Variants in SLC2A3 observed in about 807,000 individuals in gnomAD.
SLC2A3 encodes the protein solute carrier family 2 member 3.
A neutral mutation model predicts 46.4 loss-of-function variants in SLC2A3; 21 were observed. The observed-to-expected ratio is 0.45, with a 90% CI of 0.32 to 0.65. The LOEUF is 0.65. Ranked by LOEUF, SLC2A3 falls within the 30% of genes least tolerant of loss-of-function variation. The pLI is 0.04. For missense variants in SLC2A3, 499 were observed against 623.3 expected, an observed-to-expected ratio of 0.80 and a Z score of 2.12; for synonymous variants, 213 against 239.4, an observed-to-expected ratio of 0.89 and a Z score of 1.02.
chr12:7,923,003 A>G lies in SLC2A3; in HGVS notation c.1090T>C (p.Phe364Leu). Residue 364 changes from phenylalanine (F) to leucine (L), a missense_variant, in exon 9 of 10, where the codon TTT becomes CTT. Phe to Leu is a conservative substitution (Grantham distance 22). This residue lies in a region of SLC2A3 where 179 missense variants were observed against 205.1 expected (regional missense o/e 0.87). Coordinates refer to ENST00000075120, the MANE Select transcript of SLC2A3 (RefSeq NM_006931.3). The stretch of plus-strand genomic sequence containing the variant: ...ACCAAGATAGCCCCAATACAGACAA[A>G]GCTCATCCCATTATAGTTATCCTGT... ...LLKDNYNGMS[F>L]VCIGAILVFV... is the part of the protein sequence containing the mutation. 1 of 1,613,838 alleles carries G rather than the reference A, an allele frequency of 6.2e-7. No individual in the cohort carries two copies. Among genetic ancestry groups the G allele is most frequent in the Non-Finnish European group, 8.5e-7 (1 of 1,179,882 alleles).
intron 6 of SLC2A3, among the ~76,000 whole-genome samples, chr12:7,927,069 G>A (rs1025025200): frequency 6.6e-6 from 1 of 151,926 alleles, no homozygotes; most frequent in Non-Finnish European, 1.5e-5. Flanking sequence ...TTATGAATAT[G>A]GACCTCTACA....
intron 2 of SLC2A3, 54 bp downstream of exon 2, chr12:7,933,752 CTACT>C: frequency 2.6e-6 from 4 of 1,565,022 alleles, no homozygotes; most frequent in Non-Finnish European, 3.5e-6. Context: ...TCCTGAAACC[CTACT>C]TAAAGGAATA....
chr12:7,934,991 TTTTC>T (rs1487803425), intron 1 of SLC2A3, among the ~76,000 whole-genome samples: 3 of 152,152 alleles, frequency 2.0e-5, no homozygotes, highest in South Asian at 2.1e-4. Flanking sequence ...TTTTCCTACA[TTTTC>T]TTTCTTTCTG....
chr12:7,925,859 G>T lies in SLC2A3; in HGVS notation c.951C>A (p.Ile317=), dbSNP rs752814303. The T allele has an allele frequency of 4.3e-6, 7 of 1,612,388 alleles. No homozygotes were observed. The Admixed American group carries it at 6.7e-5, about 15-fold the overall frequency. ...ATIGAGVVNT[I]FTVVSLFLVE... ...TCCAACTTACAGAAACTACAGTGAA[G>T]ATAGTATTAACCACACCCGCGCCGA... is the stretch of plus-strand genomic sequence containing the variant. The change falls in exon 7 of 10, where the codon ATC becomes ATA. Residue 317 remains isoleucine, a synonymous_variant. Transcript: ENST00000075120.
At position 7,921,531 on chromosome 12, in the gene SLC2A3, A is replaced by G; in HGVS notation, c.1373T>C (p.Phe458Ser). 3 of 1,613,972 alleles carry G rather than the reference A, an allele frequency of 1.9e-6. No homozygotes were observed. Among genetic ancestry groups the G allele is most frequent in the Non-Finnish European group, 2.5e-6 (3 of 1,179,862 alleles). ...FKVPETRGRTFEDITRAFEGQ... is the reference protein window; with the variant it reads ...FKVPETRGRTSEDITRAFEGQ... ...TTCAAAGGCCCGTGTGATATCCTCAAAAGTCCTGCCACGGGTCTCAGGGAC... is the reference window on the plus strand; with the variant it reads ...TTCAAAGGCCCGTGTGATATCCTCAGAAGTCCTGCCACGGGTCTCAGGGAC... Residue 458 changes from phenylalanine to serine, a missense_variant, in exon 10 of 10, where the codon TTT becomes TCT. Physicochemically the swap from Phe to Ser is radical, Grantham distance 155. This residue lies in a region of SLC2A3 where 179 missense variants were observed against 205.1 expected (regional missense o/e 0.87). Coordinates refer to ENST00000075120, the MANE Select transcript of SLC2A3 (RefSeq NM_006931.3).
At chr12:7,925,065 G>A (rs1333276097) in intron 7 of SLC2A3, among the ~76,000 whole-genome samples, 7 of 152,294 alleles carry the variant, frequency 4.6e-5, no homozygotes, top group African/African-American at 1.7e-4. Flanking sequence ...AAGCTGACAG[G>A]AAGGTCAGCA....
rs746912767 is a variant in SLC2A3, at chr12:7,935,765, A to G, written c.15+255T>C. ...TCAACCATCTCGTCCTCAGTGGCAT[A>G]TGGTTACCTAAAATAAACCTGAGAA... On this transcript the variant is annotated intron_variant, in intron 1 of 9. Transcript: ENST00000075120. 7.9e-5 allele frequency among the ~76,000 whole-genome samples: 12 copies of G among 152,248 alleles called. No individual in the cohort carries two copies. The South Asian group carries it at 2.1e-3, about 26-fold the overall frequency.
At chr12:7,935,913 A>C (rs112845542) in intron 1 of SLC2A3, 107 bp downstream of exon 1, 19 of 948,484 alleles carry the variant, frequency 2.0e-5, no homozygotes, top group African/African-American at 1.1e-4. Context: ...GCCTTAAGAT[A>C]GCTTGGTGAC....
intron 9 of SLC2A3, among the ~76,000 whole-genome samples, chr12:7,922,523 G>A (rs1034472778): frequency 2.6e-5 from 4 of 151,988 alleles, no homozygotes; most frequent in Admixed American, 6.6e-5. Context: ...GTGCAGTAAC[G>A]CGATCTCAGC....
rs1946184953 is a variant in SLC2A3, at chr12:7,933,825, G to A, written c.93C>T (p.Ile31=). 6.2e-7 allele frequency: 1 copy of A among 1,613,676 alleles called. No individual in the cohort carries two copies. Among genetic ancestry groups the A allele is most frequent in the Admixed American group, 1.7e-5 (1 of 59,960 alleles). ...TGGCACTCACCTTCTCAGGAGCATT[G>A]ATGACCCCAGTGTTGTAGCCAAATT... ...SFQFGYNTGV[I]NAPEKIIKEF... The change falls in exon 2 of 10, where the codon ATC becomes ATT. Residue 31 remains isoleucine, a synonymous_variant. Coordinates refer to ENST00000075120, the MANE Select transcript of SLC2A3 (RefSeq NM_006931.3).
intron 6 of SLC2A3, among the ~76,000 whole-genome samples, chr12:7,928,822 T>C (rs1946122011): frequency 7.0e-6 from 1 of 142,934 alleles, no homozygotes; most frequent in Non-Finnish European, 1.6e-5. Flanking sequence ...ACTGTGTATT[T>C]CCTCCCAAGT....
chr12:7,933,536 C>T lies in SLC2A3; in HGVS notation c.108+274G>A, dbSNP rs1946181223. ...CGATTAGATGACCCCACTAATTTTC[C>T]CCACCAATATTGTCTCCATCTTCAG... On this transcript the variant is annotated intron_variant, in intron 2 of 9. Transcript: ENST00000075120. The T allele has an allele frequency of 4.4e-5, 21 of 475,476 alleles. 1 individual carries two copies. The highest frequency in any genetic ancestry group is 3.6e-4 in the South Asian group (13 of 35,876). 29.5% of individuals were successfully genotyped at this position (475,476 alleles called of 1,614,324 possible). A position where few individuals can be genotyped will look rare whatever the true frequency, so the allele number is the denominator to read the frequency against.
rs59914158 is a variant in SLC2A3 at position 7,923,768 on chromosome 12, A to ATTTTT, written c.1068+637_1068+641dup. On this transcript the variant is annotated intron_variant, in intron 8 of 9. Coordinates refer to ENST00000075120, the MANE Select transcript of SLC2A3 (RefSeq NM_006931.3). ...AACCACTGCGCCCAGCCAGGATTGG[A>ATTTTT]TTTTTTTTTTTTTTTTTGAGAGAGA... Among the ~76,000 whole-genome samples, 118 of 135,670 alleles carry ATTTTT rather than the reference A, an allele frequency of 8.7e-4. 1 individual carries two copies. The highest frequency in any genetic ancestry group is 3.0e-3 in the African/African-American group (111 of 36,416). The allele number at this position is 135,670 out of a possible 152,430, so 89.0% of individuals were successfully genotyped here. A position where few individuals can be genotyped will look rare whatever the true frequency, so the allele number is the denominator to read the frequency against.
rs969593554 is a variant in SLC2A3 at position 7,921,326 on chromosome 12, G to A, written c.*87C>T. The A allele has an allele frequency of 6.2e-4, 991 of 1,602,586 alleles. 6 individuals carry two copies. Among genetic ancestry groups the A allele is most frequent in the Non-Finnish European group, 4.2e-4 (490 of 1,173,242 alleles). ...GAATTAAGTAGCAGCATTCAGAAGC[G>A]TCCTGGGTTCATCCTGATGAGGTCT... On this transcript the variant is annotated 3_prime_UTR_variant, in exon 10 of 10. Coordinates refer to ENST00000075120, the MANE Select transcript of SLC2A3 (RefSeq NM_006931.3).
intron 6 of SLC2A3, 108 bp from the exon 7 acceptor site, chr12:7,926,056 G>C (rs1371010181): frequency 2.2e-6 from 2 of 894,326 alleles, no homozygotes; most frequent in Admixed American, 4.1e-5. Flanking sequence ...CCTTTTTCTA[G>C]GTTTTCGTTC....
chr12:7,930,198 C>A (rs1946137385), intron 5 of SLC2A3: 5 of 522,034 alleles, frequency 9.6e-6, no homozygotes, highest in East Asian at 8.0e-5. Context: ...TTGTTTCAGG[C>A]AGGTCTTGAA....
chr12:7,931,514 A>C (rs1208274274), intron 3 of SLC2A3, 29 bp from the exon 4 acceptor site: 1 of 1,612,920 alleles, frequency 6.2e-7, no homozygotes, highest in Admixed American at 1.7e-5. Context: ...ACAAAGTAGA[A>C]TTAGCAAAGT....
rs146012904 is a variant in SLC2A3 at position 7,921,494 on chromosome 12, G to T, written c.1410C>A (p.His470Gln). 1 of 1,613,596 alleles carries T rather than the reference G, an allele frequency of 6.2e-7. No homozygotes were observed. The highest frequency in any genetic ancestry group is 1.3e-5 in the African/African-American group (1 of 74,900). ...CGTCCTTTCCAGATCTATCTGCACC[G>T]TGTGCCTGCCCTTCAAAGGCCCGTG... The part of the protein sequence containing the change: ...DITRAFEGQA[H>Q]GADRSGKDGV... Residue 470 changes from histidine to glutamine, a missense_variant, in exon 10 of 10, where the codon CAC (histidine) becomes CAA (glutamine). Physicochemically the swap from His to Gln is conservative, Grantham distance 24. This residue lies in a region of SLC2A3 where 179 missense variants were observed against 205.1 expected (regional missense o/e 0.87). Coordinates refer to ENST00000075120, the MANE Select transcript of SLC2A3 (RefSeq NM_006931.3).
At position 7,934,848 on chromosome 12, in the gene SLC2A3, G is replaced by A. The variant is rs184963724; in HGVS notation, c.16-946C>T. ...AGTCCCAGCTAAGCATCGGTACCCC[G>A]GAGGGCCCTGCCAGTGCAATGCTCT... On this transcript the variant is annotated intron_variant, in intron 1 of 9. Coordinates refer to ENST00000075120, the MANE Select transcript of SLC2A3 (RefSeq NM_006931.3). Among the ~76,000 whole-genome samples, 532 of 152,278 alleles carry A rather than the reference G, an allele frequency of 3.5e-3. 4 individuals are homozygous for A. The highest frequency in any genetic ancestry group is 5.5e-3 in the Non-Finnish European group (372 of 68,010).
Sources: gnomAD v4.1 joint callset for allele counts (sites outside exome capture counted in the v4.1 genomes callset) on GRCh38, gnomAD v4.1.1 for gene constraint, gnomAD v4.1.1 regional missense constraint, MANE v1.5 for transcripts, NCBI Gene and HGNC (gene_info 2026-07-23, HGNC 2026-07-21) for gene names.